The following ARL15 variants were observed in gnomAD, a reference collection of about 807,000 sequenced individuals.
ARL15 encodes the protein ARF like GTPase 15.
In ARL15, 19 loss-of-function variants were observed where a neutral mutation model predicts 25.2. That is an observed-to-expected ratio of 0.75 (90% CI 0.53 to 1.10). The LOEUF (loss-of-function observed/expected upper bound fraction) is 1.10, where lower values mean the gene tolerates loss of function less well. ARL15 is among the 50% of genes least tolerant of loss of function. ARL15 has a pLI of 0.00. For synonymous variants in ARL15, 94 were observed against 86.8 expected, an observed-to-expected ratio of 1.08 and a Z score of -0.46; for missense variants, 220 against 246.0, an observed-to-expected ratio of 0.89 and a Z score of 0.71.
At chr5:54,277,322 CAAATCT>C (rs1297079036) in intron 1 of ARL15, among the ~76,000 whole-genome samples, 1 of 152,082 alleles carries the variant, frequency 6.6e-6, no homozygotes, top group Non-Finnish European at 1.5e-5. Flanking sequence ...TAGGTACAAG[CAAATCT>C]TGTAACTAGA....
intron 4 of ARL15, among the ~76,000 whole-genome samples, chr5:54,098,443 C>T (rs1752349412): frequency 1.3e-5 from 2 of 152,080 alleles, no homozygotes; most frequent in South Asian, 2.1e-4. Context: ...ACAAAATGGC[C>T]ACTGTAACCC....
intron 4 of ARL15, among the ~76,000 whole-genome samples, chr5:54,053,921 T>C (rs1750776859): frequency 6.6e-6 from 1 of 152,226 alleles, no homozygotes; most frequent in African/African-American, 2.4e-5. Context: ...ATAAGCAATG[T>C]ATCAGTATTG....
chr5:53,909,589 C>T (rs372757279), intron 4 of ARL15, among the ~76,000 whole-genome samples: 11 of 152,298 alleles, frequency 7.2e-5, no homozygotes, highest in African/African-American at 2.6e-4. Flanking sequence ...GCCTCTAATG[C>T]CAGCTACTCA....
intron 4 of ARL15, among the ~76,000 whole-genome samples, chr5:53,932,326 C>A (rs1746217111): frequency 6.6e-6 from 1 of 152,158 alleles, no homozygotes; most frequent in African/African-American, 2.4e-5. Context: ...GGTACAAATT[C>A]CCCCAAGGGA....
Position 53,885,797 on chromosome 5 carries a change from T to C in ARL15, c.*764A>G, listed in dbSNP as rs1744504334. 1 of 152,198 alleles carries C rather than the reference T, an allele frequency of 6.6e-6. No individual in the cohort carries two copies. The highest frequency in any genetic ancestry group is 1.5e-5 in the Non-Finnish European group (1 of 68,028). The allele number at this position is 152,198 out of a possible 1,614,324, so 9.4% of individuals were successfully genotyped here. Reference sequence around the variant, plus strand: ...AGCTTCACTTTATGCAGGCTCATCATTCCATTAAACAATATTTGAAGACTC... The same window carrying C: ...AGCTTCACTTTATGCAGGCTCATCACTCCATTAAACAATATTTGAAGACTC... On this transcript the variant is annotated 3_prime_UTR_variant, in exon 5 of 5. Coordinates refer to ENST00000504924, the MANE Select transcript of ARL15 (RefSeq NM_019087.3).
intron 3 of ARL15, among the ~76,000 whole-genome samples, chr5:54,150,877 A>G (rs1366638264): frequency 1.3e-5 from 2 of 151,384 alleles, no homozygotes; most frequent in Non-Finnish European, 2.9e-5. Context: ...CCAAACCAAC[A>G]TGTGAAGACT....
At chr5:54,208,588 A>G (rs1281340370) in intron 1 of ARL15, among the ~76,000 whole-genome samples, 1 of 152,234 alleles carries the variant, frequency 6.6e-6, no homozygotes, top group Non-Finnish European at 1.5e-5. Context: ...CTAGAAGCTT[A>G]GAAATAAATG....
chr5:54,270,350 G>T (rs780714768), intron 1 of ARL15, among the ~76,000 whole-genome samples: 1 of 152,148 alleles, frequency 6.6e-6, no homozygotes, highest in Admixed American at 6.5e-5. Flanking sequence ...AGAGAGTAGC[G>T]CCTTTCTCTC....
intron 1 of ARL15, among the ~76,000 whole-genome samples, chr5:54,176,681 A>C (rs368862021): frequency 6.6e-6 from 1 of 152,152 alleles, no homozygotes; most frequent in South Asian, 2.1e-4. Flanking sequence ...TTCAAGCCTC[A>C]TAAACCTATC....
At chr5:54,130,349 C>G (rs1753393350) in intron 3 of ARL15, among the ~76,000 whole-genome samples, 1 of 152,202 alleles carries the variant, frequency 6.6e-6, no homozygotes, top group African/African-American at 2.4e-5. Flanking sequence ...CTGGGAAGCA[C>G]TCTCTTTCCT....
intron 4 of ARL15, among the ~76,000 whole-genome samples, chr5:53,987,438 A>C (rs1748333331): frequency 6.7e-6 from 1 of 150,242 alleles, no homozygotes; most frequent in Non-Finnish European, 1.5e-5. Flanking sequence ...AATCCTTTTA[A>C]GCTTTTAATT....
At chr5:54,184,554 C>A (rs1277072341) in intron 1 of ARL15, among the ~76,000 whole-genome samples, 2 of 129,030 alleles carry the variant, frequency 1.6e-5, no homozygotes, top group East Asian at 2.5e-4. Flanking sequence ...GGAAAGATCT[C>A]AATAAAGTAG....
chr5:53,940,789 C>T (rs889945220), intron 4 of ARL15, among the ~76,000 whole-genome samples: 1 of 152,130 alleles, frequency 6.6e-6, no homozygotes, highest in Non-Finnish European at 1.5e-5. Context: ...TTCTTTTGAA[C>T]TTCTAATAAT....
At chr5:53,892,325 C>T (rs545674132) in intron 4 of ARL15, among the ~76,000 whole-genome samples, 2 of 152,290 alleles carry the variant, frequency 1.3e-5, no homozygotes, top group African/African-American at 4.8e-5. Flanking sequence ...GGGGATAGGT[C>T]AGCTAATGCA....
chr5:53,988,490 T>A (rs184301943), intron 4 of ARL15, among the ~76,000 whole-genome samples: 7 of 152,218 alleles, frequency 4.6e-5, no homozygotes. Flanking sequence ...AATGTTAGCT[T>A]CTAAAGGGTT....
At chr5:53,895,291 G>A (rs891824894) in intron 4 of ARL15, among the ~76,000 whole-genome samples, 1 of 152,214 alleles carries the variant, frequency 6.6e-6, no homozygotes, top group African/African-American at 2.4e-5. Flanking sequence ...TTTCCAGCTT[G>A]GCTGGGCTCC....
intron 4 of ARL15, among the ~76,000 whole-genome samples, chr5:53,964,585 C>G (rs1482889590): frequency 1.3e-5 from 2 of 152,178 alleles, no homozygotes; most frequent in Admixed American, 6.5e-5. Context: ...TGGTCTTGAT[C>G]TCCTGACCTC....
rs141957743 is a variant in ARL15, at chr5:54,088,690, C to T, written c.462+24512G>A. ...CAGACAGAAAGCTTCCTGAGGGCAG[C>T]TATAATTTGTTGTTTACATGGAGGC... On this transcript the variant is annotated intron_variant, in intron 4 of 4. Transcript: ENST00000504924. 1.3e-5 allele frequency among the ~76,000 whole-genome samples: 2 copies of T among 150,892 alleles called. 1 individual carries two copies. The highest frequency in any genetic ancestry group is 4.2e-4 in the South Asian group (2 of 4,740).
chr5:53,932,090 A>T (rs561960692), intron 4 of ARL15, among the ~76,000 whole-genome samples: 60 of 152,340 alleles, frequency 3.9e-4, no homozygotes, highest in African/African-American at 1.4e-3. Context: ...AGTATTGTAA[A>T]CTGGCATTTG....
Sources: gnomAD v4.1 joint callset for allele counts (sites outside exome capture counted in the v4.1 genomes callset) on GRCh38, gnomAD v4.1.1 for gene constraint, MANE v1.5 for transcripts, NCBI Gene and HGNC (gene_info 2026-07-23, HGNC 2026-07-21) for gene names.